Variants in MORC1 observed in about 807,000 individuals in gnomAD.
The protein encoded by MORC1 is MORC family CW-type zinc finger protein 1.
A neutral mutation model predicts 134.9 loss-of-function variants in MORC1; 59 were observed. The ratio of observed to expected loss-of-function variants is 0.44; its 90% confidence interval spans 0.35 to 0.54. The LOEUF is 0.54. Among genes scored for constraint, MORC1 ranks in the 20% least tolerant of loss-of-function variants. The pLI is 0.00. For missense variants in MORC1, 947 were observed against 1,134.5 expected, an observed-to-expected ratio of 0.83 and a Z score of 2.37; for synonymous variants, 395 against 391.7, an observed-to-expected ratio of 1.01 and a Z score of -0.10.
At chr3:109,031,149 T>C (rs188395217) in intron 16 of MORC1, among the ~76,000 whole-genome samples, 22 of 152,252 alleles carry the variant, frequency 1.4e-4, no homozygotes, top group Middle Eastern at 3.4e-3. Context: ...AGCTTCCCAG[T>C]TCTGTAGGTC....
chr3:109,048,879 C>G (rs912631722), intron 14 of MORC1, among the ~76,000 whole-genome samples: 2 of 152,164 alleles, frequency 1.3e-5, no homozygotes, highest in African/African-American at 4.8e-5. Context: ...TCTCCAAATA[C>G]AGCCCGAGCT....
intron 27 of MORC1, among the ~76,000 whole-genome samples, chr3:108,959,989 A>G (rs1487563925): frequency 2.0e-5 from 3 of 152,206 alleles, no homozygotes; most frequent in African/African-American, 7.2e-5. Flanking sequence ...TGGAGAGCCT[A>G]TAACAGAGAA....
At chr3:109,074,855 G>A (rs1285465646) in intron 8 of MORC1, among the ~76,000 whole-genome samples, 2 of 152,150 alleles carry the variant, frequency 1.3e-5, no homozygotes, top group Middle Eastern at 3.2e-3. Context: ...CCATTTGCCT[G>A]GTACTGTGCC....
chr3:109,058,634 A>C (rs1386288084), intron 12 of MORC1, among the ~76,000 whole-genome samples: 1 of 152,118 alleles, frequency 6.6e-6, no homozygotes, highest in Non-Finnish European at 1.5e-5. Context: ...CTATATATTT[A>C]TTAAACACAT....
intron 26 of MORC1, among the ~76,000 whole-genome samples, chr3:108,968,955 G>GT (rs11369467): frequency 0.36 from 53,423 of 147,428 alleles, 9,788 homozygotes; most frequent in Middle Eastern, 0.44. Flanking sequence ...GAGTACCAGG[G>GT]TTTTTTTTTT....
At position 108,971,374 on chromosome 3, in the gene MORC1, G is replaced by T. The variant is rs2593943; in HGVS notation, c.2506C>A (p.His836Asn). ...REILLYFFPE[H>N]QLPSELEEPA... The stretch of plus-strand genomic sequence containing the variant: ...TCTTCCAATTCTGATGGTAGCTGAT[G>T]CTCAGGAAAAAAATACAGAAGAATC... Residue 836 changes from histidine (H) to asparagine (N), a missense_variant, in exon 25 of 28, where the codon CAT (histidine) becomes AAT (asparagine). His to Asn is a moderately conservative substitution (Grantham distance 68, BLOSUM62 1). This residue lies in a region of MORC1 where 722 missense variants were observed against 817.0 expected (regional missense o/e 0.88). Transcript: ENST00000232603. 1 of 1,612,802 alleles carries T rather than the reference G, an allele frequency of 6.2e-7. No individual in the cohort carries two copies. Among genetic ancestry groups the T allele is most frequent in the Admixed American group, 1.7e-5 (1 of 59,982 alleles).
intron 6 of MORC1, among the ~76,000 whole-genome samples, chr3:109,095,834 A>G (rs1182758916): frequency 6.6e-6 from 1 of 152,100 alleles, no homozygotes. Context: ...GGATTCCCCA[A>G]TAAAAAAAAA....
chr3:108,969,811 TA>T, intron 25 of MORC1, 89 bp from the exon 26 acceptor site: 1 of 1,317,078 alleles, frequency 7.6e-7, no homozygotes, highest in Non-Finnish European at 1.1e-6. Flanking sequence ...GCATTGAGTA[TA>T]AAAAGCATCA....
intron 17 of MORC1, among the ~76,000 whole-genome samples, chr3:109,011,188 A>G (rs1459360088): frequency 2.0e-5 from 3 of 152,210 alleles, no homozygotes; most frequent in Admixed American, 6.5e-5. Context: ...GCACTCCAGC[A>G]TGGGCAACAC....
chr3:109,022,244 T>C (rs944309736), intron 17 of MORC1, among the ~76,000 whole-genome samples: 5 of 152,336 alleles, frequency 3.3e-5, no homozygotes, highest in South Asian at 2.1e-4. Context: ...ACTATAGTTA[T>C]AGAGATTTGA....
At chr3:108,962,368 G>T (rs1258258049) in intron 27 of MORC1, among the ~76,000 whole-genome samples, 1 of 151,976 alleles carries the variant, frequency 6.6e-6, no homozygotes. Flanking sequence ...AAGTGGGAAG[G>T]GACTCCCACG....
intron 8 of MORC1, among the ~76,000 whole-genome samples, chr3:109,072,952 CACACACACACACAT>C (rs1429868753): frequency 2.1e-4 from 12 of 58,122 alleles, no homozygotes; most frequent in Admixed American, 4.9e-4. Flanking sequence ...CACACACACA[CACACACACACACAT>C]ACACACACAC....
At chr3:109,014,024 A>C (rs906481354) in intron 17 of MORC1, among the ~76,000 whole-genome samples, 3 of 152,224 alleles carry the variant, frequency 2.0e-5, no homozygotes, top group African/African-American at 7.2e-5. Flanking sequence ...TTTTCTTTAT[A>C]AATTACCCAA....
intron 6 of MORC1, 32 bp from the exon 7 acceptor site, chr3:109,095,100 G>A (rs1950804704): frequency 6.5e-7 from 1 of 1,528,402 alleles, no homozygotes. Context: ...AATTTACTAT[G>A]AAATACACAA....
At chr3:109,110,719 A>C in intron 3 of MORC1, 30 bp downstream of exon 3, 3 of 1,555,414 alleles carry the variant, frequency 1.9e-6, no homozygotes, top group Non-Finnish European at 2.6e-6. Flanking sequence ...CCATTAGAAG[A>C]AAATAAAAGA....
At chr3:109,010,209 A>T (rs1948651267) in intron 17 of MORC1, among the ~76,000 whole-genome samples, 1 of 152,192 alleles carries the variant, frequency 6.6e-6, no homozygotes, top group Admixed American at 6.5e-5. Context: ...ATAAATGAAC[A>T]GGACTAGATT....
rs1559853608 is a variant in MORC1, at chr3:108,959,063, CTTT to C, written c.2854_2856del (p.Lys952del). ...TTGTTCTGGAAGAGAAGATTATCTT[CTTT>C]AAGCAAAGCTTCTAAATAAGTGTCA... On this transcript the variant is annotated inframe_deletion, in exon 28 of 28. Coordinates refer to ENST00000232603, the MANE Select transcript of MORC1 (RefSeq NM_014429.4). 1.3e-6 allele frequency: 2 copies of C among 1,583,664 alleles called. No homozygotes were observed. Among genetic ancestry groups the C allele is most frequent in the East Asian group, 2.3e-5 (1 of 42,802 alleles).
intron 17 of MORC1, among the ~76,000 whole-genome samples, chr3:109,021,788 T>G (rs1439527008): frequency 6.6e-6 from 1 of 152,006 alleles, no homozygotes; most frequent in Non-Finnish European, 1.5e-5. Context: ...AAAGGATGAG[T>G]AAGAAAATAA....
rs1315183978 is a variant in MORC1, at chr3:109,027,859, G to A, written c.1596C>T (p.Ile532=). 1.9e-6 allele frequency: 3 copies of A among 1,613,672 alleles called. No homozygotes were observed. The Admixed American group carries it at 5.0e-5, about 27-fold the overall frequency. Residue 532 remains isoleucine, a synonymous_variant, in exon 17 of 28, where the codon ATC becomes ATT. Coordinates refer to ENST00000232603, the MANE Select transcript of MORC1 (RefSeq NM_014429.4). The part of the protein sequence containing the change: ...SCHQVECLPS[I]PLGTMSTISP... Reference sequence around the variant, plus strand: ...ATATTGTGCTCATGGTGCCCAGTGGGATGGAAGGTAGACATTCTACCTGAT... The same window carrying A: ...ATATTGTGCTCATGGTGCCCAGTGGAATGGAAGGTAGACATTCTACCTGAT...
Sources: gnomAD v4.1 joint callset for allele counts (sites outside exome capture counted in the v4.1 genomes callset) on GRCh38, gnomAD v4.1.1 for gene constraint, gnomAD v4.1.1 regional missense constraint, MANE v1.5 for transcripts, NCBI Gene and HGNC (gene_info 2026-07-23, HGNC 2026-07-21) for gene names.